Variants in CELA1 observed in about 807,000 individuals in gnomAD.
CELA1 encodes chymotrypsin like elastase 1.
Under a neutral mutation model 34.8 loss-of-function variants are expected in CELA1, and 28 were observed. That is an observed-to-expected ratio of 0.80 (90% CI 0.60 to 1.10). CELA1 has a LOEUF of 1.10. Ranked by LOEUF, CELA1 falls within the 50% of genes least tolerant of loss-of-function variation. CELA1 has a pLI of 0.00. For missense variants in CELA1, 288 were observed against 327.5 expected, an observed-to-expected ratio of 0.88 and a Z score of 0.93; for synonymous variants, 140 against 129.8, an observed-to-expected ratio of 1.08 and a Z score of -0.53.
rs557635542 is a variant in CELA1 at position 51,335,106 on chromosome 12, A to T, written c.609+4754T>A. On this transcript the variant is annotated intron_variant, in intron 6 of 7. Coordinates refer to ENST00000293636, the MANE Select transcript of CELA1 (RefSeq NM_001971.6). ...CAAACTTTTCTATGTCTGTGTGCAC[A>T]TCTGGTATCCCTCTTCCTGTTCAGA... Among the ~76,000 whole-genome samples, 10 of 152,260 alleles carry T rather than the reference A, an allele frequency of 6.6e-5. No homozygotes were observed. The South Asian group carries it at 1.0e-3, about 16-fold the overall frequency.
intron 6 of CELA1, among the ~76,000 whole-genome samples, 170 bp downstream of exon 6, chr12:51,339,690 C>T (rs139852456): frequency 2.0e-5 from 3 of 152,358 alleles, no homozygotes; most frequent in Non-Finnish European, 4.4e-5. Context: ...CTTTGAGTTT[C>T]TGCATGTGTA....
chr12:51,342,852 C>T (rs574574163), intron 3 of CELA1, 152 bp from the exon 4 acceptor site: 2 of 842,214 alleles, frequency 2.4e-6, no homozygotes, highest in African/African-American at 1.7e-5. Context: ...GCTGTGTTGC[C>T]CAGGCTGGCT....
Position 51,333,896 on chromosome 12 carries a change from C to G in CELA1, c.610-4063G>C, listed in dbSNP as rs368088198. Among the ~76,000 whole-genome samples the G allele has an allele frequency of 7.2e-5, 11 of 152,134 alleles. No individual in the cohort carries two copies. The South Asian group carries it at 1.5e-3, about 20-fold the overall frequency. On this transcript the variant is annotated intron_variant, in intron 6 of 7. Coordinates refer to ENST00000293636, the MANE Select transcript of CELA1 (RefSeq NM_001971.6). The stretch of plus-strand genomic sequence containing the variant: ...TACTATTGTCTTGTGCTAATTGACC[C>G]GAAAAGAGACCAAGCCTCAGGAGAG...
In CELA1 at chr12:51,342,575, C is replaced by A. The variant is rs773424822; in HGVS notation, c.326G>T (p.Gly109Val). ...AGGGCCAGCTTGGACTTGCTCCTAC[C>A]CGGCAGCCACGTTATCGCTGTTCCA... ...PYWNSDNVAA[G>V]YDIALLRLAQ... Residue 109 changes from glycine to valine, a missense_variant and splice_region_variant, in exon 4 of 8, where the codon GGC (glycine) becomes GTC (valine). Gly to Val is a moderately radical substitution (Grantham distance 109). Transcript: ENST00000293636. 8.1e-6 allele frequency: 13 copies of A among 1,614,106 alleles called. No individual in the cohort carries two copies. Among genetic ancestry groups the A allele is most frequent in the Non-Finnish European group, 8.5e-6 (10 of 1,180,000 alleles).
intron 6 of CELA1, among the ~76,000 whole-genome samples, chr12:51,335,062 G>A (rs142946964): frequency 1.3e-5 from 2 of 152,206 alleles, no homozygotes; most frequent in East Asian, 3.9e-4. Flanking sequence ...ACCTGCCAAC[G>A]TTCGGCTACC....
intron 2 of CELA1, among the ~76,000 whole-genome samples, chr12:51,345,152 T>C (rs903227140): frequency 2.6e-5 from 4 of 152,158 alleles, no homozygotes; most frequent in African/African-American, 9.7e-5. Flanking sequence ...CAATAGGATG[T>C]TTGTTTTTAT....
intron 6 of CELA1, 51 bp downstream of exon 6, chr12:51,339,809 G>C: frequency 6.3e-7 from 1 of 1,585,892 alleles, no homozygotes; most frequent in Non-Finnish European, 8.6e-7. Context: ...GGGGTGGAGG[G>C]ATAGGCAGAG....
intron 7 of CELA1, 99 bp downstream of exon 7, chr12:51,329,585 T>C (rs1946456379): frequency 9.5e-6 from 12 of 1,267,934 alleles, no homozygotes; most frequent in Non-Finnish European, 1.3e-5. Context: ...GTAAGGAAGA[T>C]GACGGCTTGC....
At chr12:51,344,464 G>A (rs17860296) in intron 2 of CELA1, among the ~76,000 whole-genome samples, 12,858 of 152,242 alleles carry the variant, frequency 0.084, 599 homozygotes, top group Non-Finnish European at 0.11. Context: ...AGGCCAAGGC[G>A]GGTGGATCAC....
intron 2 of CELA1, among the ~76,000 whole-genome samples, chr12:51,344,995 GGCGCCTGT>G (rs1320001469): frequency 6.0e-5 from 9 of 149,864 alleles, no homozygotes; most frequent in African/African-American, 2.2e-4. Flanking sequence ...CATGGTGACA[GGCGCCTGT>G]AATCCCAGCT....
At chr12:51,333,846 T>A (rs1283960482) in intron 6 of CELA1, among the ~76,000 whole-genome samples, 1 of 152,196 alleles carries the variant, frequency 6.6e-6, no homozygotes, top group Non-Finnish European at 1.5e-5. Flanking sequence ...GCTAGAGGAA[T>A]GATAGATAAA....
chr12:51,329,646 G>C (rs1029311990), intron 7 of CELA1, 38 bp downstream of exon 7: 7 of 1,567,720 alleles, frequency 4.5e-6, no homozygotes, highest in Admixed American at 3.7e-5. Context: ...TAGGTCTCCA[G>C]GTGACCCCAT....
intron 6 of CELA1, among the ~76,000 whole-genome samples, chr12:51,332,745 G>T (rs1037998645): frequency 6.6e-6 from 1 of 152,092 alleles, no homozygotes. Context: ...GCTCATGCCT[G>T]TCATCCCAGC....
intron 2 of CELA1, among the ~76,000 whole-genome samples, chr12:51,344,528 T>C (rs1946554859): frequency 6.6e-6 from 1 of 151,648 alleles, no homozygotes; most frequent in Non-Finnish European, 1.5e-5. Context: ...CCATCTCTAC[T>C]AAAAATGCAA....
In CELA1 at chr12:51,341,350, C is replaced by T. The variant is rs770860217; in HGVS notation, c.357G>A (p.Gln119=). The part of the protein sequence containing the change: ...GYDIALLRLA[Q]SVTLNSYVQL... ...GGACATAGCTATTGAGGGTAACGCT[C>T]TGGGCCAGGCGCAGCAGGGCGATGT... Residue 119 remains glutamine, a synonymous_variant, in exon 5 of 8, where the codon CAG becomes CAA. Transcript: ENST00000293636. 12 of 1,614,086 alleles carry T rather than the reference C, an allele frequency of 7.4e-6. No individual in the cohort carries two copies. The highest frequency in any genetic ancestry group is 1.0e-5 in the Non-Finnish European group (12 of 1,180,048).
intron 1 of CELA1, 119 bp from the exon 2 acceptor site, chr12:51,345,996 T>A: frequency 1.5e-6 from 1 of 689,046 alleles, no homozygotes; most frequent in Non-Finnish European, 2.4e-6. Context: ...TCACAGTTCC[T>A]CTCTAACGAA....
chr12:51,331,406 A>G (rs1206188326), intron 6 of CELA1, among the ~76,000 whole-genome samples: 1 of 152,206 alleles, frequency 6.6e-6, no homozygotes, highest in Non-Finnish European at 1.5e-5. Flanking sequence ...ACACACAAAC[A>G]AAAAACATGA....
At chr12:51,336,776 C>A (rs1452436821) in intron 6 of CELA1, among the ~76,000 whole-genome samples, 1 of 152,218 alleles carries the variant, frequency 6.6e-6, no homozygotes, top group Non-Finnish European at 1.5e-5. Context: ...TGCCCTCCCC[C>A]AAATCACTTA....
At chr12:51,337,377 A>C (rs1393220362) in intron 6 of CELA1, among the ~76,000 whole-genome samples, 1 of 151,852 alleles carries the variant, frequency 6.6e-6, no homozygotes, top group Admixed American at 6.6e-5. Context: ...ACTACCAAAA[A>C]CAAAACAAAA....
Sources: gnomAD v4.1 joint callset for allele counts (sites outside exome capture counted in the v4.1 genomes callset) on GRCh38, gnomAD v4.1.1 for gene constraint, MANE v1.5 for transcripts, NCBI Gene and HGNC (gene_info 2026-07-23, HGNC 2026-07-21) for gene names.